ABCB1: variants seen among roughly 807,000 people sequenced by gnomAD.
The protein encoded by ABCB1 is ATP-dependent translocase ABCB1.
In ABCB1, 69 loss-of-function variants were observed where a neutral mutation model predicts 142.0. The observed-to-expected ratio is 0.49, with a 90% CI of 0.40 to 0.59. ABCB1 has a LOEUF of 0.59. Among genes scored for constraint, ABCB1 ranks in the 20% least tolerant of loss-of-function variants. The probability of loss-of-function intolerance (pLI) is 0.00; values close to 1 mark genes in which losing one functional copy is unlikely to be tolerated. For synonymous variants in ABCB1, 532 were observed against 539.2 expected (o/e 0.99, Z 0.18); for missense variants, 1,326 against 1,554.7 (o/e 0.85, Z 2.47).
chr7:87,554,496 C>CT (rs1817230780), intron 8 of ABCB1, among the ~76,000 whole-genome samples: 1 of 152,190 alleles, frequency 6.6e-6, no homozygotes, highest in Non-Finnish European at 1.5e-5. Context: ...CCATGTAATA[C>CT]TTTTTACATT....
At chr7:87,614,571 G>T (rs1387757995) in intron 1 of ABCB1, among the ~76,000 whole-genome samples, 1 of 152,120 alleles carries the variant, frequency 6.6e-6, no homozygotes, top group Non-Finnish European at 1.5e-5. Flanking sequence ...GCATCACAAA[G>T]CATCAGATTA....
At chr7:87,635,718 C>T (rs1163643977) in intron 1 of ABCB1, among the ~76,000 whole-genome samples, 2 of 152,142 alleles carry the variant, frequency 1.3e-5, no homozygotes, top group South Asian at 2.1e-4. Flanking sequence ...TAACTAGCAC[C>T]CAAGTCAAGA....
At chr7:87,516,728 C>CT in intron 23 of ABCB1, 63 bp from the exon 24 acceptor site, 1 of 1,030,394 alleles carries the variant, frequency 9.7e-7, no homozygotes, top group Non-Finnish European at 1.3e-6. Flanking sequence ...AAAGCTGACA[C>CT]TCCTTTTTTT....
chr7:87,574,073 G>T (rs559545428), intron 4 of ABCB1, among the ~76,000 whole-genome samples: 1 of 152,268 alleles, frequency 6.6e-6, no homozygotes, highest in South Asian at 2.1e-4. Context: ...ATAGGCACTG[G>T]AGGGTCCAGG....
chr7:87,600,274 A>G (rs2130002556), intron 1 of ABCB1, 84 bp from the exon 2 acceptor site: 1 of 1,171,156 alleles, frequency 8.5e-7, no homozygotes, highest in Non-Finnish European at 1.2e-6. Context: ...CCCCCGTCGA[A>G]GCCAGAGAGC....
At chr7:87,711,019 T>A (rs537074080) in intron 1 of ABCB1, among the ~76,000 whole-genome samples, 22 of 152,240 alleles carry the variant, frequency 1.4e-4, no homozygotes, top group Non-Finnish European at 3.1e-4. Context: ...ATTTCCTTAT[T>A]TTTTTGCTTG....
Position 87,561,403 on chromosome 7 carries a change from A to G in ABCB1, c.703-16T>C, listed in dbSNP as rs199856971. 2.1e-5 allele frequency: 33 copies of G among 1,603,332 alleles called. No homozygotes were observed. Among genetic ancestry groups the G allele is most frequent in the Non-Finnish European group, 2.6e-5 (31 of 1,172,996 alleles). ...AAGATAGTATCTGTTTAAAAATACA[A>G]TTTTGGATCATGAAAAAAACACGTT... On this transcript the variant is annotated splice_polypyrimidine_tract_variant and intron_variant, in intron 7 of 27. Transcript: ENST00000622132.
chr7:87,503,977 A>T lies in ABCB1; in HGVS notation c.*266T>A. On this transcript the variant is annotated 3_prime_UTR_variant, in exon 28 of 28. Transcript: ENST00000622132. ...GTTACAGTCCAAATGGGAAAATATA[A>T]ACAAAATTACACATTTTATCTTTTA... 1 of 513,078 alleles carries T rather than the reference A, an allele frequency of 1.9e-6. No individual in the cohort carries two copies. Among genetic ancestry groups the T allele is most frequent in the Admixed American group, 3.3e-5 (1 of 30,496 alleles). 31.8% of individuals were successfully genotyped at this position (513,078 alleles called of 1,614,324 possible). A position where few individuals can be genotyped will look rare whatever the true frequency, so the allele number is the denominator to read the frequency against.
chr7:87,593,762 G>A (rs1399179563), intron 3 of ABCB1, among the ~76,000 whole-genome samples: 1 of 152,204 alleles, frequency 6.6e-6, no homozygotes, highest in Non-Finnish European at 1.5e-5. Context: ...CATTCTACAA[G>A]TGCTGTCTTA....
chr7:87,553,870 A>C lies in ABCB1; in HGVS notation c.890T>G (p.Ile297Ser). Residue 297 changes from isoleucine (I) to serine (S), a missense_variant, in exon 9 of 28, where the codon ATT becomes AGT. Transcript: ENST00000622132. ...IGIKKAITAN[I>S]SIGAAFLLIY... ...CAGCAGGAAAGCAGCACCTATAGAA[A>C]TATTGGCTGTAATAGCTTTCTTTAT... 1.2e-6 allele frequency: 2 copies of C among 1,614,140 alleles called. No homozygotes were observed. The highest frequency in any genetic ancestry group is 2.7e-5 in the African/African-American group (2 of 75,054).
intron 1 of ABCB1, among the ~76,000 whole-genome samples, chr7:87,694,817 G>A (rs1210228697): frequency 6.6e-6 from 1 of 152,032 alleles, no homozygotes; most frequent in East Asian, 1.9e-4. Flanking sequence ...GGATAAAAAA[G>A]CCTATTAAAT....
chr7:87,628,828 C>A, intron 1 of ABCB1: 1 of 1,252,004 alleles, frequency 8.0e-7, no homozygotes, highest in East Asian at 3.1e-5. Context: ...CCCGCCATGG[C>A]CTCCCGGAGC....
chr7:87,706,843 A>G (rs1829640169), intron 1 of ABCB1, among the ~76,000 whole-genome samples: 1 of 152,190 alleles, frequency 6.6e-6, no homozygotes, highest in African/African-American at 2.4e-5. Flanking sequence ...TCTGTAGCTC[A>G]AAGCAAAGTC....
chr7:87,686,195 T>G (rs1271808395), intron 1 of ABCB1, among the ~76,000 whole-genome samples: 1 of 152,222 alleles, frequency 6.6e-6, no homozygotes, highest in Non-Finnish European at 1.5e-5. Flanking sequence ...CCTCATTCAT[T>G]CTCTTATTCA....
chr7:87,590,685 G>T (rs933088146), intron 3 of ABCB1, among the ~76,000 whole-genome samples: 2 of 152,214 alleles, frequency 1.3e-5, no homozygotes, highest in African/African-American at 4.8e-5. Context: ...AGAGCAGAGT[G>T]AGAGGGAATA....
chr7:87,595,634 A>G, intron 3 of ABCB1, 132 bp downstream of exon 3: 1 of 725,144 alleles, frequency 1.4e-6, no homozygotes, highest in Non-Finnish European at 2.4e-6. Flanking sequence ...AGCTAAATCA[A>G]ACCAATTTAT....
chr7:87,587,302 C>A (rs1399906863), intron 3 of ABCB1, among the ~76,000 whole-genome samples: 1 of 152,144 alleles, frequency 6.6e-6, no homozygotes, highest in African/African-American at 2.4e-5. Context: ...CATTTTACCT[C>A]CAGAACTGTC....
intron 11 of ABCB1, 29 bp from the exon 12 acceptor site, chr7:87,550,325 A>G (rs1389734142): frequency 6.2e-7 from 1 of 1,614,048 alleles, no homozygotes; most frequent in South Asian, 1.1e-5. Flanking sequence ...AAAAAACTTC[A>G]AGGCAATTCA....
intron 8 of ABCB1, among the ~76,000 whole-genome samples, chr7:87,560,947 TACTC>T (rs1281200148): frequency 6.6e-6 from 1 of 152,124 alleles, no homozygotes; most frequent in African/African-American, 2.4e-5. Context: ...TTACACAAAA[TACTC>T]AGTCAATATT....
Sources: allele counts gnomAD v4.1 joint callset (sites outside exome capture counted in the v4.1 genomes callset), GRCh38; gene constraint gnomAD v4.1.1; transcripts MANE v1.5; gene names NCBI Gene and HGNC (gene_info 2026-07-23, HGNC 2026-07-21).